The following RAP1GAP2 variants were observed in gnomAD, a reference collection of about 807,000 sequenced individuals.
RAP1GAP2 encodes RAP1 GTPase activating protein 2.
In RAP1GAP2, 27 loss-of-function variants were observed where a neutral mutation model predicts 95.0. That is an observed-to-expected ratio of 0.28 (90% confidence interval 0.21 to 0.39). The LOEUF (loss-of-function observed/expected upper bound fraction) is 0.39, where lower values mean the gene tolerates loss of function less well. Among genes scored for constraint, RAP1GAP2 ranks in the 10% least tolerant of loss-of-function variants. RAP1GAP2 has a pLI of 1.00. For missense variants in RAP1GAP2, 771 were observed against 970.0 expected, an observed-to-expected ratio of 0.79 and a Z score of 2.72; for synonymous variants, 373 against 380.9, an observed-to-expected ratio of 0.98 and a Z score of 0.24.
intron 2 of RAP1GAP2, among the ~76,000 whole-genome samples, chr17:2,815,301 C>A (rs2069959213): frequency 6.6e-6 from 1 of 152,100 alleles, no homozygotes; most frequent in Non-Finnish European, 1.5e-5. Context: ...GGCTGCGCAA[C>A]CTCTCTGTGC....
At chr17:2,847,814 G>A (rs1395033683) in intron 2 of RAP1GAP2, among the ~76,000 whole-genome samples, 2 of 152,048 alleles carry the variant, frequency 1.3e-5, no homozygotes, top group African/African-American at 2.4e-5. Context: ...AGCCTCATCC[G>A]CTCCTGATTC....
chr17:2,890,685 CTT>C (rs374485374), intron 2 of RAP1GAP2, among the ~76,000 whole-genome samples: 119 of 136,160 alleles, frequency 8.7e-4, no homozygotes, highest in Middle Eastern at 3.9e-3. Context: ...TCAGTGTTTA[CTT>C]TTTTTTTTTT....
intron 19 of RAP1GAP2, among the ~76,000 whole-genome samples, chr17:3,024,859 A>G (rs952626250): frequency 1.3e-5 from 2 of 152,248 alleles, no homozygotes; most frequent in Non-Finnish European, 2.9e-5. Flanking sequence ...GAAGAGTACA[A>G]TCTACAGTGA....
At chr17:2,854,963 A>G (rs1430587666) in intron 2 of RAP1GAP2, among the ~76,000 whole-genome samples, 1 of 152,074 alleles carries the variant, frequency 6.6e-6, no homozygotes, top group Non-Finnish European at 1.5e-5. Flanking sequence ...ACCCTGCTGG[A>G]TCCTAGTTTC....
At chr17:2,874,685 C>T (rs2073011554) in intron 2 of RAP1GAP2, among the ~76,000 whole-genome samples, 1 of 152,130 alleles carries the variant, frequency 6.6e-6, no homozygotes, top group Admixed American at 6.6e-5. Context: ...CTACATCACC[C>T]ATGGAAACAA....
At chr17:2,782,105 GC>G (rs1258885916) in intron 1 of RAP1GAP2, among the ~76,000 whole-genome samples, 3 of 152,206 alleles carry the variant, frequency 2.0e-5, no homozygotes, top group African/African-American at 4.8e-5. Flanking sequence ...AGGATTTCCT[GC>G]CCCCACGGAG....
At chr17:2,828,499 T>C (rs2070687295) in intron 2 of RAP1GAP2, among the ~76,000 whole-genome samples, 1 of 150,738 alleles carries the variant, frequency 6.6e-6, no homozygotes. Context: ...GGGAAGAGCA[T>C]TCCAGGTGGT....
upstream of RAP1GAP2, among the ~76,000 whole-genome samples, chr17:2,792,396 C>G (rs1343089169): frequency 6.6e-6 from 1 of 152,208 alleles, no homozygotes; most frequent in Non-Finnish European, 1.5e-5. Flanking sequence ...GGCAGCCTCC[C>G]CAAATTACAG....
At chr17:2,819,688 G>A (rs1420243891) in intron 2 of RAP1GAP2, among the ~76,000 whole-genome samples, 1 of 151,370 alleles carries the variant, frequency 6.6e-6, no homozygotes, top group Admixed American at 6.6e-5. Flanking sequence ...GGCTGGTCTT[G>A]AACTCCTGAC....
At chr17:2,805,763 T>TGTGC (rs2069490263) in intron 2 of RAP1GAP2, among the ~76,000 whole-genome samples, 1 of 151,268 alleles carries the variant, frequency 6.6e-6, no homozygotes, top group Admixed American at 6.6e-5. Flanking sequence ...TATGTGTGTG[T>TGTGC]GTGTGTGTCT....
At chr17:2,877,080 G>A (rs2073126988) in intron 2 of RAP1GAP2, among the ~76,000 whole-genome samples, 1 of 151,876 alleles carries the variant, frequency 6.6e-6, no homozygotes, top group Non-Finnish European at 1.5e-5. Flanking sequence ...GTAGAGACGG[G>A]GTTTCTCCAT....
Position 2,963,781 on chromosome 17 carries a change from A to C in RAP1GAP2, c.280-75A>C. 1 of 1,305,996 alleles carries C rather than the reference A, an allele frequency of 7.7e-7. No individual in the cohort carries two copies. Among genetic ancestry groups the C allele is most frequent in the Non-Finnish European group, 1.1e-6 (1 of 949,054 alleles). The allele number at this position is 1,305,996 out of a possible 1,614,324, so 80.9% of individuals were successfully genotyped here. A position where few individuals can be genotyped will look rare whatever the true frequency, so the allele number is the denominator to read the frequency against. ...CAGGCCCCACTCCTGGGAGCAGCGC[A>C]GAGGGGACACCGCCACCGGCCCCCT... On this transcript the variant is annotated intron_variant, in intron 6 of 24. Coordinates refer to ENST00000254695, the MANE Select transcript of RAP1GAP2 (RefSeq NM_015085.5). This position sits in a 1 kb window ranked among gnomAD's most constrained non-coding sequence, Gnocchi z 4.8.
intron 3 of RAP1GAP2, among the ~76,000 whole-genome samples, chr17:2,943,021 G>A (rs753120265): frequency 7.9e-5 from 12 of 151,908 alleles, no homozygotes; most frequent in Non-Finnish European, 1.5e-4. Flanking sequence ...TGCCCGCCTT[G>A]GCCACCCAAA....
At chr17:2,999,781 T>TA (rs527596504) in intron 14 of RAP1GAP2, among the ~76,000 whole-genome samples, 6,928 of 126,522 alleles carry the variant, frequency 0.055, 425 homozygotes, top group African/African-American at 0.15. Flanking sequence ...ACCCTGTCTC[T>TA]AAAAAAAAAA....
chr17:2,895,747 T>G (rs1567752959), intron 2 of RAP1GAP2, among the ~76,000 whole-genome samples: 1 of 152,088 alleles, frequency 6.6e-6, no homozygotes, highest in Non-Finnish European at 1.5e-5. Context: ...TGGCTAATTT[T>G]TTGTATTTTT....
intron 2 of RAP1GAP2, among the ~76,000 whole-genome samples, chr17:2,805,396 C>T (rs982543701): frequency 4.6e-5 from 7 of 152,152 alleles, no homozygotes; most frequent in African/African-American, 1.4e-4. Flanking sequence ...TGGTCTGTTG[C>T]CCAGGCTGCA....
At chr17:2,900,386 G>A (rs1404221025) in intron 2 of RAP1GAP2, among the ~76,000 whole-genome samples, 1 of 151,938 alleles carries the variant, frequency 6.6e-6, no homozygotes, top group Non-Finnish European at 1.5e-5. Context: ...CATCATCATG[G>A]TCTACATTGA....
intron 10 of RAP1GAP2, among the ~76,000 whole-genome samples, chr17:2,984,370 C>T (rs960128150): frequency 1.1e-4 from 17 of 151,990 alleles, no homozygotes; most frequent in Admixed American, 6.6e-5. Context: ...CAACAAAACC[C>T]GAAAAAACTT....
chr17:2,823,043 T>C (rs9902395), intron 2 of RAP1GAP2, among the ~76,000 whole-genome samples: 122,843 of 152,084 alleles, frequency 0.81, 50,350 homozygotes, highest in African/African-American at 0.95. Flanking sequence ...CACAGCCCTG[T>C]GGCGAGTCTC....
Sources: allele counts gnomAD v4.1 joint callset (sites outside exome capture counted in the v4.1 genomes callset), GRCh38; gene constraint gnomAD v4.1.1; non-coding constraint Gnocchi (gnomAD v3.1); transcripts MANE v1.5; gene names NCBI Gene and HGNC (gene_info 2026-07-23, HGNC 2026-07-21).